Variants in CDK14 observed in about 807,000 individuals in gnomAD.
CDK14 encodes the protein cyclin dependent kinase 14.
CDK14 carries 34 observed loss-of-function variants against 60.7 expected under a neutral mutation model. That is an observed-to-expected ratio of 0.56 (90% confidence interval 0.43 to 0.75). The LOEUF (loss-of-function observed/expected upper bound fraction) is 0.75, where lower values mean the gene tolerates loss of function less well. Among genes scored for constraint, CDK14 ranks in the 30% least tolerant of loss-of-function variants. The probability of loss-of-function intolerance (pLI) is 0.00; values close to 1 mark genes in which losing one functional copy is unlikely to be tolerated. For synonymous variants in CDK14, 197 were observed against 203.7 expected (o/e 0.97, Z 0.28); for missense variants, 482 against 564.1 (o/e 0.85, Z 1.47).
intron 6 of CDK14, among the ~76,000 whole-genome samples, chr7:90,877,000 T>C (rs1791583853): frequency 6.6e-6 from 1 of 152,238 alleles, no homozygotes; most frequent in Non-Finnish European, 1.5e-5. Context: ...TAGAATTTGC[T>C]ATCTTAATAG....
intron 2 of CDK14, among the ~76,000 whole-genome samples, chr7:90,659,837 TTCTCTC>T (rs58582287): frequency 0.086 from 9,469 of 110,304 alleles, 399 homozygotes; most frequent in East Asian, 0.21. Context: ...CAGGGAATGC[TTCTCTC>T]TCTCTCTCTC....
At chr7:90,628,529 A>C (rs552698721) in intron 2 of CDK14, among the ~76,000 whole-genome samples, 2 of 152,244 alleles carry the variant, frequency 1.3e-5, no homozygotes, top group African/African-American at 4.8e-5. Context: ...TCTTGTTAAG[A>C]TGAAATTTGG....
chr7:90,657,854 C>T (rs1481844868), intron 2 of CDK14, among the ~76,000 whole-genome samples: 1 of 152,202 alleles, frequency 6.6e-6, no homozygotes, highest in East Asian at 1.9e-4. Flanking sequence ...ACCCTATAAG[C>T]TCCTATTTTA....
At chr7:90,660,215 C>T (rs1227170399) in intron 2 of CDK14, among the ~76,000 whole-genome samples, 1 of 152,142 alleles carries the variant, frequency 6.6e-6, no homozygotes. Flanking sequence ...TGGAGCATCA[C>T]ACCCCCTGGG....
At chr7:90,816,474 C>T (rs936339207) in intron 5 of CDK14, among the ~76,000 whole-genome samples, 1 of 152,134 alleles carries the variant, frequency 6.6e-6, no homozygotes, top group African/African-American at 2.4e-5. Flanking sequence ...TTGTTTGTTA[C>T]TATTCCTTTT....
chr7:91,089,170 T>A (rs1798730044), intron 12 of CDK14, among the ~76,000 whole-genome samples: 1 of 152,198 alleles, frequency 6.6e-6, no homozygotes, highest in Non-Finnish European at 1.5e-5. Flanking sequence ...TCAAAACTGA[T>A]GTACTTTGGA....
chr7:90,912,223 ATTAAT>A (rs140863818), intron 7 of CDK14, among the ~76,000 whole-genome samples: 124,876 of 151,764 alleles, frequency 0.82, 51,545 homozygotes, highest in East Asian at 0.95. Context: ...TTTCAAATAT[ATTAAT>A]TTATCTAGTT....
chr7:91,065,277 G>A (rs1797943104), intron 11 of CDK14, among the ~76,000 whole-genome samples: 6 of 152,180 alleles, frequency 3.9e-5, no homozygotes, highest in Admixed American at 3.9e-4. Flanking sequence ...ATTCTGTTCA[G>A]CATTGATGTG....
chr7:91,066,072 T>C (rs1797968238), intron 11 of CDK14, among the ~76,000 whole-genome samples: 1 of 150,290 alleles, frequency 6.7e-6, no homozygotes, highest in Non-Finnish European at 1.5e-5. Context: ...TCATTGCTAC[T>C]TTTTTTTTAC....
At chr7:90,838,221 A>G (rs1279862371) in intron 5 of CDK14, among the ~76,000 whole-genome samples, 1 of 152,150 alleles carries the variant, frequency 6.6e-6, no homozygotes, top group Non-Finnish European at 1.5e-5. Context: ...AATTGTGAAG[A>G]TTTCATGGAC....
At chr7:91,034,937 CAT>C (rs1322743839) in intron 10 of CDK14, among the ~76,000 whole-genome samples, 1 of 100,134 alleles carries the variant, frequency 1.0e-5, no homozygotes, top group Admixed American at 1.2e-4. Context: ...CACACACACA[CAT>C]ACACATACAC....
chr7:90,839,752 A>G (rs1312309222), intron 5 of CDK14, among the ~76,000 whole-genome samples: 1 of 152,224 alleles, frequency 6.6e-6, no homozygotes, highest in Non-Finnish European at 1.5e-5. Flanking sequence ...ATCATTTATT[A>G]CAGATAGTAG....
chr7:91,190,113 C>T (rs1008985986), intron 14 of CDK14, among the ~76,000 whole-genome samples: 1 of 152,216 alleles, frequency 6.6e-6, no homozygotes, highest in Non-Finnish European at 1.5e-5. Context: ...AGGTTTTGTG[C>T]TTGCTGGATA....
At chr7:90,640,695 C>G (rs532554527) in intron 2 of CDK14, among the ~76,000 whole-genome samples, 2 of 151,924 alleles carry the variant, frequency 1.3e-5, no homozygotes, top group East Asian at 3.9e-4. Flanking sequence ...GTGGTTTGAT[C>G]TGTGAGATCA....
intron 7 of CDK14, among the ~76,000 whole-genome samples, chr7:90,907,193 T>G (rs1481345380): frequency 6.6e-6 from 1 of 151,994 alleles, no homozygotes; most frequent in African/African-American, 2.4e-5. Flanking sequence ...GGGAAACTGG[T>G]TAGAATATTT....
rs181339037 is a variant in CDK14, at chr7:90,986,107, G to A, written c.1041+1866G>A. ...TATCTTGTATATTCTTTTGGAACCAGCTATTTCCACTAAACAATTTGTAAT... is the reference window on the plus strand; with the variant it reads ...TATCTTGTATATTCTTTTGGAACCAACTATTTCCACTAAACAATTTGTAAT... On this transcript the variant is annotated intron_variant, in intron 10 of 14. Coordinates refer to ENST00000380050, the MANE Select transcript of CDK14 (RefSeq NM_001287135.2). Among the ~76,000 whole-genome samples, 10 of 152,000 alleles carry A rather than the reference G, an allele frequency of 6.6e-5. No individual in the cohort carries two copies. In the East Asian group the frequency reaches 1.7e-3, roughly 26 times the overall value.
chr7:90,791,776 GC>G (rs2116970256), intron 5 of CDK14, among the ~76,000 whole-genome samples: 1 of 152,156 alleles, frequency 6.6e-6, no homozygotes, highest in Non-Finnish European at 1.5e-5. Context: ...ATTTTACCCA[GC>G]CTTTTAGCAG....
chr7:91,104,612 C>A (rs756540435), intron 12 of CDK14, among the ~76,000 whole-genome samples: 12 of 152,172 alleles, frequency 7.9e-5, no homozygotes, highest in Non-Finnish European at 1.6e-4. Context: ...CTCACCCTCC[C>A]TCCAGCCTAT....
rs114892351 is a variant in CDK14, at chr7:91,112,752, G to A, written c.1294+71G>A. ...TTTTATTTTGGCATCTGTATGTAACGTGTATGCAGAGATTCACATATTTGT... is the reference window on the plus strand; with the variant it reads ...TTTTATTTTGGCATCTGTATGTAACATGTATGCAGAGATTCACATATTTGT... On this transcript the variant is annotated intron_variant, in intron 13 of 14. Transcript: ENST00000380050. 1,499 of 1,486,694 alleles carry A rather than the reference G, an allele frequency of 1.0e-3. 15 individuals carry two copies. In the African/African-American group the frequency reaches 0.016, roughly 15 times the overall value. The allele number at this position is 1,486,694 out of a possible 1,614,324, so 92.1% of individuals were successfully genotyped here.
Sources: gnomAD v4.1 joint callset for allele counts (sites outside exome capture counted in the v4.1 genomes callset) on GRCh38, gnomAD v4.1.1 for gene constraint, MANE v1.5 for transcripts, NCBI Gene and HGNC (gene_info 2026-07-23, HGNC 2026-07-21) for gene names.